LRRC63: variants seen among roughly 807,000 people sequenced by gnomAD.
LRRC63 encodes leucine rich repeat containing 63.
In LRRC63, 40 loss-of-function variants were observed where a neutral mutation model predicts 49.5. The observed-to-expected ratio is 0.81, with a 90% confidence interval of 0.63 to 1.05. The LOEUF is 1.05. Among genes scored for constraint, LRRC63 ranks in the 50% least tolerant of loss-of-function variants. The pLI, the probability that LRRC63 is intolerant of heterozygous loss-of-function variation, is 0.00. For missense variants in LRRC63, 636 were observed against 663.1 expected (o/e 0.96, Z 0.45); for synonymous variants, 191 against 221.1 (o/e 0.86, Z 1.21).
rs758879718 is a variant in LRRC63 at position 46,227,617 on chromosome 13, CACTA to C, written c.194_197del (p.Leu65HisfsTer18). 36 of 1,549,626 alleles carry C rather than the reference CACTA, an allele frequency of 2.3e-5. No individual in the cohort carries two copies. The highest frequency in any genetic ancestry group is 6.9e-5 in the African/African-American group (5 of 72,986). On this transcript the variant is annotated frameshift_variant, in exon 3 of 10. Coordinates refer to ENST00000595396, the Ensembl canonical transcript of LRRC63. LOFTEE classifies it high-confidence loss of function. ...TTTCCTGATGTTTTAAGAAATCAAT[CACTA>C]ACACCTATCAATATCCAAAATATCT...
intron 9 of LRRC63, among the ~76,000 whole-genome samples, chr13:46,269,895 G>A (rs1457024142): frequency 8.5e-6 from 1 of 117,922 alleles, no homozygotes; most frequent in Non-Finnish European, 1.9e-5. Flanking sequence ...AGATATAGTA[G>A]ACACTATATA....
chr13:46,226,062 C>T (rs1425459159), intron 2 of LRRC63, among the ~76,000 whole-genome samples: 1 of 151,930 alleles, frequency 6.6e-6, no homozygotes, highest in Non-Finnish European at 1.5e-5. Flanking sequence ...TGGCTCACTG[C>T]AGCCTCAATC....
chr13:46,266,777 T>C (rs947259319), exon 9 of LRRC63: 1 of 1,550,004 alleles, frequency 6.5e-7, no homozygotes, highest in Admixed American at 2.0e-5. Flanking sequence ...CTGAGTTTTT[T>C]CCCCCATGGA....
At chr13:46,242,556 A>G (rs907809709) in intron 5 of LRRC63, among the ~76,000 whole-genome samples, 3 of 152,214 alleles carry the variant, frequency 2.0e-5, no homozygotes, top group Admixed American at 6.5e-5. Context: ...AGCAGCACTC[A>G]AGTACAGGAA....
chr13:46,239,261 A>G (rs563285829), intron 5 of LRRC63, among the ~76,000 whole-genome samples: 2 of 152,050 alleles, frequency 1.3e-5, no homozygotes, highest in South Asian at 4.1e-4. Context: ...AAGAAGAAGA[A>G]AGAGAAAATC....
intron 5 of LRRC63, among the ~76,000 whole-genome samples, chr13:46,244,283 G>C (rs2047151536): frequency 1.3e-5 from 2 of 151,918 alleles, no homozygotes; most frequent in African/African-American, 4.8e-5. Flanking sequence ...CTTTTCTATG[G>C]TGCTGATATT....
At chr13:46,227,262 GT>G (rs1297678553) in intron 2 of LRRC63, among the ~76,000 whole-genome samples, 3 of 152,100 alleles carry the variant, frequency 2.0e-5, no homozygotes, top group Non-Finnish European at 4.4e-5. Context: ...TACCAATTCT[GT>G]TCTTCCAAGA....
At chr13:46,260,083 A>G (rs2047590066) in intron 7 of LRRC63, among the ~76,000 whole-genome samples, 1 of 152,214 alleles carries the variant, frequency 6.6e-6, no homozygotes, top group African/African-American at 2.4e-5. Flanking sequence ...TCATATATAG[A>G]TGACATAAAT....
intron 2 of LRRC63, among the ~76,000 whole-genome samples, chr13:46,219,284 G>A (rs2046339637): frequency 6.6e-6 from 1 of 152,110 alleles, no homozygotes; most frequent in African/African-American, 2.4e-5. Context: ...ATATTTCTTG[G>A]AGGCTTTGTT....
At chr13:46,214,365 C>T (rs993216296) in intron 2 of LRRC63, among the ~76,000 whole-genome samples, 1 of 152,174 alleles carries the variant, frequency 6.6e-6, no homozygotes. Flanking sequence ...TTTACATCAT[C>T]ATTTCTACAT....
chr13:46,213,141 G>T, intron 2 of LRRC63, 22 bp downstream of exon 2: 1 of 1,408,578 alleles, frequency 7.1e-7, no homozygotes, highest in Non-Finnish European at 9.7e-7. Context: ...AATCAGATAT[G>T]TGTATTAACA....
chr13:46,232,145 C>T (rs938778344), intron 4 of LRRC63, among the ~76,000 whole-genome samples: 2 of 152,158 alleles, frequency 1.3e-5, no homozygotes, highest in African/African-American at 4.8e-5. Flanking sequence ...CATCGGAATT[C>T]CACTCACTAC....
At position 46,276,854 on chromosome 13, in the gene LRRC63, A is replaced by ATATATATT. The variant is rs1555330629; in HGVS notation, c.*58_*59insTTATATAT. ...TATATATATATATATATATATATTTATATATATATATATTTATATATATAT... is the reference window on the plus strand; with the variant it reads ...TATATATATATATATATATATATTTATATATATTTATATATATATATTTATATATATAT... On this transcript the variant is annotated 3_prime_UTR_variant, in exon 10 of 10. Coordinates refer to ENST00000595396, the Ensembl canonical transcript of LRRC63. The ATATATATT allele has an allele frequency of 7.5e-3, 892 of 118,670 alleles. 9 individuals are homozygous for ATATATATT. The highest frequency in any genetic ancestry group is 0.01 in the Middle Eastern group (2 of 200). 7.4% of individuals were successfully genotyped at this position (118,670 alleles called of 1,614,324 possible).
chr13:46,219,604 A>G (rs2046347776), intron 2 of LRRC63, among the ~76,000 whole-genome samples: 1 of 152,110 alleles, frequency 6.6e-6, no homozygotes, highest in Admixed American at 6.5e-5. Flanking sequence ...ACTTCTGTCA[A>G]TTTGTCAAAC....
chr13:46,258,438 TCTTAA>T (rs1410706593), intron 7 of LRRC63, among the ~76,000 whole-genome samples: 2 of 150,668 alleles, frequency 1.3e-5, no homozygotes, highest in African/African-American at 4.9e-5. Flanking sequence ...CCTGACCTAC[TCTTAA>T]CTTCAGTTTC....
rs142798828 is a variant in LRRC63 at position 46,255,645 on chromosome 13, A to AATATATATAT, written c.1226+5166_1226+5175dup. ...GGCAACAGAGTAAGACCCTGCCTCA[A>AATATATATAT]ATATATATATATATATATATAGTTA... On this transcript the variant is annotated intron_variant, in intron 7 of 9. Transcript: ENST00000595396. Among the ~76,000 whole-genome samples, 781 of 129,434 alleles carry AATATATATAT rather than the reference A, an allele frequency of 6.0e-3. 15 individuals carry two copies. The highest frequency in any genetic ancestry group is 0.021 in the African/African-American group (728 of 34,340). The allele number at this position is 129,434 out of a possible 152,430, so 84.9% of individuals were successfully genotyped here. A position where few individuals can be genotyped will look rare whatever the true frequency, so the allele number is the denominator to read the frequency against.
At chr13:46,263,434 T>C (rs1236077780) in intron 8 of LRRC63, among the ~76,000 whole-genome samples, 1 of 152,068 alleles carries the variant, frequency 6.6e-6, no homozygotes, top group Admixed American at 6.6e-5. Flanking sequence ...CCTCTTTTTT[T>C]CTATGTTATT....
Position 46,271,024 on chromosome 13 carries a change from A to G in LRRC63, c.1550+4052A>G, listed in dbSNP as rs140039494. Among the ~76,000 whole-genome samples, 12 of 152,356 alleles carry G rather than the reference A, an allele frequency of 7.9e-5. No individual in the cohort carries two copies. In the East Asian group the frequency reaches 9.6e-4, roughly 12 times the overall value. ...AGTAAATACATTTGACCCTTGAATA[A>G]CATGGGTTTAAACTGTTAGAGGGTA... On this transcript the variant is annotated intron_variant, in intron 9 of 9. Coordinates refer to ENST00000595396, the Ensembl canonical transcript of LRRC63.
intron 6 of LRRC63, among the ~76,000 whole-genome samples, chr13:46,248,404 T>G (rs926382708): frequency 4.6e-5 from 7 of 151,810 alleles, no homozygotes; most frequent in African/African-American, 1.7e-4. Flanking sequence ...CACTTAAGAT[T>G]AAAAGAAACA....
Sources: allele counts gnomAD v4.1 joint callset (sites outside exome capture counted in the v4.1 genomes callset), GRCh38; gene constraint gnomAD v4.1.1; transcripts MANE v1.5; gene names NCBI Gene and HGNC (gene_info 2026-07-23, HGNC 2026-07-21).